VCAN: variants seen among roughly 807,000 people sequenced by gnomAD.
VCAN encodes versican.
VCAN carries 44 observed loss-of-function variants against 245.5 expected under a neutral mutation model. The observed-to-expected ratio is 0.18, with a 90% CI of 0.14 to 0.23. The LOEUF (loss-of-function observed/expected upper bound fraction) is 0.23. Ranked by LOEUF, VCAN falls within the 10% of genes least tolerant of loss-of-function variation. VCAN has a pLI of 1.00. For synonymous variants in VCAN, 1,413 were observed against 1,437.0 expected, an observed-to-expected ratio of 0.98 and a Z score of 0.38; for missense variants, 3,793 against 4,057.9, an observed-to-expected ratio of 0.93 and a Z score of 1.77.
intron 12 of VCAN, among the ~76,000 whole-genome samples, chr5:83,570,921 A>G (rs1026120824): frequency 2.0e-5 from 3 of 152,032 alleles, no homozygotes; most frequent in Admixed American, 6.6e-5. Flanking sequence ...TCTCTTTGCC[A>G]AATAAATTCA....
chr5:83,472,251 CAAAA>C (rs1205368137), intron 1 of VCAN, among the ~76,000 whole-genome samples: 1 of 110,626 alleles, frequency 9.0e-6, no homozygotes, highest in African/African-American at 3.5e-5. Flanking sequence ...AAGATTCAGA[CAAAA>C]GAAACCCAGG....
chr5:83,499,283 T>C, intron 5 of VCAN, among the ~76,000 whole-genome samples: 1 of 152,194 alleles, frequency 6.6e-6, no homozygotes, highest in East Asian at 1.9e-4. Flanking sequence ...TATATGTTTG[T>C]TTTATTTCAG....
At chr5:83,534,176 G>A (rs941423312) in intron 7 of VCAN, 14 of 94,452 alleles carry the variant, frequency 1.5e-4, no homozygotes, top group African/African-American at 6.6e-4. Context: ...ACTTCCATCT[G>A]TAATTACTCA....
rs766928931 is a variant in VCAN at position 83,537,043 on chromosome 5, T to C, written c.4040T>C (p.Ile1347Thr). ...GATTTGAGTGTAATTGGTCATCCAA[T>C]AGATTCAGAATCTAAAGAAGATGAA... is the stretch of plus-strand genomic sequence containing the variant. ...MSDLSVIGHP[I>T]DSESKEDEPC... The change falls in exon 8 of 15, where the codon ATA (isoleucine) becomes ACA (threonine). Residue 1347 changes from isoleucine to threonine, a missense_variant. Around this residue, in one of 5 missense-constraint regions of VCAN, gnomAD observed 3,182 missense variants for 3,250.3 expected, o/e 0.98. Transcript: ENST00000265077. 6.2e-7 allele frequency: 1 copy of C among 1,609,180 alleles called. No homozygotes were observed. The highest frequency in any genetic ancestry group is 8.5e-7 in the Non-Finnish European group (1 of 1,177,956).
rs201255257 is a variant in VCAN at position 83,521,400 on chromosome 5, C to G, written c.3094C>G (p.Gln1032Glu). 1.6e-4 allele frequency: 252 copies of G among 1,614,122 alleles called. No homozygotes were observed. Among genetic ancestry groups the G allele is most frequent in the Non-Finnish European group, 9.0e-5 (106 of 1,180,000 alleles). ...RTTKITEGTTQEEFPWKEQTA... is the reference protein window; with the variant it reads ...RTTKITEGTTEEEFPWKEQTA... Reference sequence around the variant, plus strand: ...AACAAAAATCACAGAGGGAACAACTCAGGAAGAATTCCCTTGGAAAGAACA... The same window carrying G: ...AACAAAAATCACAGAGGGAACAACTGAGGAAGAATTCCCTTGGAAAGAACA... Residue 1032 changes from glutamine (Q) to glutamate (E), a missense_variant, in exon 7 of 15, where the codon CAG becomes GAG. This residue lies in a region of VCAN where 3,182 missense variants were observed against 3,250.3 expected (regional missense o/e 0.98). Coordinates refer to ENST00000265077, the MANE Select transcript of VCAN (RefSeq NM_004385.5).
In VCAN at chr5:83,540,646, A is replaced by T. The variant is rs1746937095; in HGVS notation, c.7643A>T (p.Asp2548Val). 1 of 1,613,800 alleles carries T rather than the reference A, an allele frequency of 6.2e-7. No homozygotes were observed. The highest frequency in any genetic ancestry group is 1.3e-5 in the African/African-American group (1 of 74,920). Residue 2548 changes from aspartate to valine, a missense_variant, in exon 8 of 15, where the codon GAC becomes GTC. This residue lies in a region of VCAN where 3,182 missense variants were observed against 3,250.3 expected (regional missense o/e 0.98). Transcript: ENST00000265077. ...ACTGAAAATATTATCATAGACCTGG[A>T]CAAAGAGGACAAGGATTTAATATTG... is the stretch of plus-strand genomic sequence containing the variant. ...KPTENIIIDL[D>V]KEDKDLILTI...
At position 83,493,542 on chromosome 5, in the gene VCAN, G is replaced by T; in HGVS notation, c.446-4G>T. On this transcript the variant is annotated splice_region_variant and splice_polypyrimidine_tract_variant and intron_variant, in intron 3 of 14. Coordinates refer to ENST00000265077, the MANE Select transcript of VCAN (RefSeq NM_004385.5). ...CTGGCAATTGTTTGCTGTTGTTTTT[G>T]CAGGGGTTGTGTTTCACTACAGGGC... 6.2e-7 allele frequency: 1 copy of T among 1,613,038 alleles called. No individual in the cohort carries two copies. Among genetic ancestry groups the T allele is most frequent in the Non-Finnish European group, 8.5e-7 (1 of 1,180,010 alleles).
intron 5 of VCAN, among the ~76,000 whole-genome samples, chr5:83,507,847 GA>G (rs1199200310): frequency 6.6e-6 from 1 of 152,182 alleles, no homozygotes; most frequent in African/African-American, 2.4e-5. Flanking sequence ...TGGATCAATA[GA>G]AACTTTGAAA....
At chr5:83,478,084 G>A (rs986960671) in intron 1 of VCAN, among the ~76,000 whole-genome samples, 6 of 151,282 alleles carry the variant, frequency 4.0e-5, no homozygotes, top group Admixed American at 1.3e-4. Context: ...CTGGGATTAT[G>A]GGCACCCACC....
intron 12 of VCAN, among the ~76,000 whole-genome samples, chr5:83,564,431 A>G (rs1277972351): frequency 1.3e-5 from 2 of 152,208 alleles, no homozygotes; most frequent in Admixed American, 1.3e-4. Flanking sequence ...TAGTTTCTTA[A>G]TTCTAGTATA....
In VCAN at chr5:83,537,485, A is replaced by T. The variant is rs765255060; in HGVS notation, c.4482A>T (p.Ser1494=). 13 of 1,613,970 alleles carry T rather than the reference A, an allele frequency of 8.1e-6. No homozygotes were observed. In the South Asian group the frequency reaches 1.4e-4, roughly 18 times the overall value. The change falls in exon 8 of 15, where the codon TCA becomes TCT. Residue 1494 remains serine (S), a synonymous_variant. Coordinates refer to ENST00000265077, the MANE Select transcript of VCAN (RefSeq NM_004385.5). ...ETYPETSEHF[S]GGEPDVFPTV... is the part of the protein sequence containing the mutation. The stretch of plus-strand genomic sequence containing the variant: ...ACCCTGAAACATCAGAACATTTTTC[A>T]GGTGGTGAGCCTGATGTTTTCCCCA...
Position 83,490,277 on chromosome 5 carries a change from C to A in VCAN, c.250C>A (p.Leu84Ile). ...AAAAGATTTGAAAGAGACTACTGTCCTTGTGGCCCAAAATGGAAATATCAA... is the reference window on the plus strand; with the variant it reads ...AAAAGATTTGAAAGAGACTACTGTCATTGTGGCCCAAAATGGAAATATCAA... ...NGKDLKETTV[L>I]VAQNGNIKIG... is the part of the protein sequence containing the mutation. The change falls in exon 3 of 15, where the codon CTT (leucine) becomes ATT (isoleucine). Residue 84 changes from leucine (L) to isoleucine (I), a missense_variant. By Grantham distance (5) the Leu-to-Ile change is conservative. Coordinates refer to ENST00000265077, the MANE Select transcript of VCAN (RefSeq NM_004385.5). 1 of 1,614,140 alleles carries A rather than the reference C, an allele frequency of 6.2e-7. No individual in the cohort carries two copies. Among genetic ancestry groups the A allele is most frequent in the Non-Finnish European group, 8.5e-7 (1 of 1,180,036 alleles).
At chr5:83,478,238 G>T (rs1744470070) in intron 1 of VCAN, among the ~76,000 whole-genome samples, 2 of 152,130 alleles carry the variant, frequency 1.3e-5, no homozygotes, top group Non-Finnish European at 2.9e-5. Flanking sequence ...GAGCCACTGT[G>T]CCTGGCAAAA....
rs767421894 is a variant in VCAN, at chr5:83,537,781, C to A, written c.4778C>A (p.Ala1593Glu). Reference protein sequence around the residue: ...TPTIVPSSASAYVSEEEAVTL... With the variant: ...TPTIVPSSASEYVSEEEAVTL... ...ACTATAGTTCCAAGTTCTGCATCAG[C>A]ATATGTTTCAGAGGAAGAAGCAGTT... Residue 1593 changes from alanine (A) to glutamate (E), a missense_variant, in exon 8 of 15, where the codon GCA becomes GAA. Ala to Glu is a moderately radical substitution (Grantham distance 107, BLOSUM62 -1). Around this residue, in one of 5 missense-constraint regions of VCAN, gnomAD observed 3,182 missense variants for 3,250.3 expected, o/e 0.98. Coordinates refer to ENST00000265077, the MANE Select transcript of VCAN (RefSeq NM_004385.5). 6.2e-7 allele frequency: 1 copy of A among 1,614,012 alleles called. No homozygotes were observed. The highest frequency in any genetic ancestry group is 8.5e-7 in the Non-Finnish European group (1 of 1,179,954).
chr5:83,545,423 A>C (rs1358699402), intron 8 of VCAN, 114 bp from the exon 9 acceptor site: 1 of 839,338 alleles, frequency 1.2e-6, no homozygotes, highest in African/African-American at 1.7e-5. Flanking sequence ...AGTAACTCTA[A>C]ATTGCTATGG....
chr5:83,572,571 C>T lies in VCAN; in HGVS notation c.9880+11C>T, dbSNP rs373723999. ...GCAAGAAAGGAACAGGTAATGATCACCCTGTTAATAATGTGTACTTAATCT... is the reference window on the plus strand; with the variant it reads ...GCAAGAAAGGAACAGGTAATGATCATCCTGTTAATAATGTGTACTTAATCT... On this transcript the variant is annotated intron_variant, in intron 13 of 14. Coordinates refer to ENST00000265077, the MANE Select transcript of VCAN (RefSeq NM_004385.5). 6 of 1,613,312 alleles carry T rather than the reference C, an allele frequency of 3.7e-6. No homozygotes were observed. Among genetic ancestry groups the T allele is most frequent in the Non-Finnish European group, 5.1e-6 (6 of 1,179,438 alleles).
Position 83,541,110 on chromosome 5 carries a change from A to G in VCAN, c.8107A>G (p.Ile2703Val). ...AATTCCTCGTAAGTCTGCCACAGTT[A>G]TTCCAGAGATTGAAGGAATAAAAGC... The part of the protein sequence containing the change: ...LPIPRKSATV[I>V]PEIEGIKAEA... The change falls in exon 8 of 15, where the codon ATT becomes GTT. Residue 2703 changes from isoleucine (I) to valine (V), a missense_variant. Transcript: ENST00000265077. The G allele has an allele frequency of 6.2e-7, 1 of 1,614,136 alleles. No homozygotes were observed.
chr5:83,537,349 G>T lies in VCAN; in HGVS notation c.4346G>T (p.Ser1449Ile), dbSNP rs868317793. The change falls in exon 8 of 15, where the codon AGT becomes ATT. Residue 1449 changes from serine to isoleucine, a missense_variant. This residue lies in a region of VCAN where 3,182 missense variants were observed against 3,250.3 expected (regional missense o/e 0.98). Transcript: ENST00000265077. The part of the protein sequence containing the change: ...PSQNFSDSSE[S>I]DTHPFVIAKT... ...CAGAATTTCTCGGACAGCTCTGAAAGTGATACTCATCCATTTGTAATAGCC... is the reference window on the plus strand; with the variant it reads ...CAGAATTTCTCGGACAGCTCTGAAATTGATACTCATCCATTTGTAATAGCC... 3.1e-6 allele frequency: 5 copies of T among 1,614,028 alleles called. No individual in the cohort carries two copies. The Middle Eastern group carries it at 8.2e-4, about 266-fold the overall frequency.
At chr5:83,547,819 G>T in intron 9 of VCAN, 152 bp from the exon 10 acceptor site, 1 of 698,162 alleles carries the variant, frequency 1.4e-6, no homozygotes, top group South Asian at 1.6e-5. Context: ...AATATGGCAC[G>T]GACATACTTA....
Sources: gnomAD v4.1 joint callset for allele counts (sites outside exome capture counted in the v4.1 genomes callset) on GRCh38, gnomAD v4.1.1 for gene constraint, gnomAD v4.1.1 regional missense constraint, MANE v1.5 for transcripts, NCBI Gene and HGNC (gene_info 2026-07-23, HGNC 2026-07-21) for gene names.